The following RNF157 variants were observed in gnomAD, a reference collection of about 807,000 sequenced individuals.
The protein encoded by RNF157 is E3 ubiquitin ligase RNF157.
RNF157 carries 55 observed loss-of-function variants against 88.3 expected under a neutral mutation model. The ratio of observed to expected loss-of-function variants is 0.62; its 90% CI spans 0.50 to 0.78. RNF157 has a LOEUF of 0.78. RNF157 is among the 30% of genes least tolerant of loss of function. The pLI, the probability that RNF157 is intolerant of heterozygous loss-of-function variation, is 0.00. For missense variants in RNF157, 788 were observed against 860.8 expected, an observed-to-expected ratio of 0.92 and a Z score of 1.06; for synonymous variants, 334 against 341.2, an observed-to-expected ratio of 0.98 and a Z score of 0.23.
intron 1 of RNF157, among the ~76,000 whole-genome samples, chr17:76,235,985 G>T (rs2070277018): frequency 2.0e-5 from 3 of 152,188 alleles, no homozygotes; most frequent in African/African-American, 7.2e-5. Flanking sequence ...CTCCAGCCTG[G>T]ATGCCAGAGT....
chr17:76,220,385 TAAAA>T (rs34888046), intron 1 of RNF157, among the ~76,000 whole-genome samples: 30 of 128,712 alleles, frequency 2.3e-4, no homozygotes, highest in Admixed American at 6.3e-4. Context: ...TAATGATATC[TAAAA>T]AAAAAAAAAA....
intron 18 of RNF157, among the ~76,000 whole-genome samples, chr17:76,149,656 C>T (rs1306578899): frequency 6.6e-6 from 1 of 152,172 alleles, no homozygotes; most frequent in Non-Finnish European, 1.5e-5. Flanking sequence ...CCTAGAGAGA[C>T]GTGCTTTTCC....
intron 9 of RNF157, 31 bp downstream of exon 9, chr17:76,162,521 G>C: frequency 6.5e-7 from 1 of 1,544,086 alleles, no homozygotes; most frequent in South Asian, 1.1e-5. Flanking sequence ...CTCCTGGAAA[G>C]AGTACATTCA....
Position 76,157,408 on chromosome 17 carries a change from C to T in RNF157, c.1413+985G>A, listed in dbSNP as rs558824253. Among the ~76,000 whole-genome samples, 4 of 152,324 alleles carry T rather than the reference C, an allele frequency of 2.6e-5. No homozygotes were observed. The highest frequency in any genetic ancestry group is 4.1e-4 in the South Asian group (2 of 4,830). Reference sequence around the variant, plus strand: ...TGTGCCCCTGGCTTGCTCCGAGCCCCGACTTCCTGCTCTGTGCCTTTGCAT... The same window carrying T: ...TGTGCCCCTGGCTTGCTCCGAGCCCTGACTTCCTGCTCTGTGCCTTTGCAT... On this transcript the variant is annotated intron_variant, in intron 13 of 18. Coordinates refer to ENST00000269391, the MANE Select transcript of RNF157 (RefSeq NM_052916.3). This position sits in a 1 kb window ranked among gnomAD's most constrained non-coding sequence, Gnocchi z 5.6.
At chr17:76,226,779 C>A in intron 1 of RNF157, 1 of 1,569,722 alleles carries the variant, frequency 6.4e-7, no homozygotes, top group Non-Finnish European at 8.6e-7. Context: ...ACCAACACCT[C>A]GTTGCTCAGG....
At position 76,228,047 on chromosome 17, in the gene RNF157, T is replaced by C. The variant is rs189010790; in HGVS notation, c.88+12106A>G. On this transcript the variant is annotated intron_variant, in intron 1 of 18. Transcript: ENST00000269391. The stretch of plus-strand genomic sequence containing the variant: ...TACAGTTTATGTTGCTTCCTGTTTT[T>C]TACAAATGGAATTCATAGATGTAGA... 4.6e-5 allele frequency among the ~76,000 whole-genome samples: 7 copies of C among 152,324 alleles called. No individual in the cohort carries two copies. In the East Asian group the frequency reaches 1.3e-3, roughly 29 times the overall value.
chr17:76,211,386 C>T (rs1452001963), intron 2 of RNF157, among the ~76,000 whole-genome samples: 1 of 152,326 alleles, frequency 6.6e-6, no homozygotes, highest in Non-Finnish European at 1.5e-5. Context: ...ATTGTCTTCT[C>T]CCACTCTCAA....
Position 76,161,822 on chromosome 17 carries a change from C to G in RNF157, c.952+21G>C. On this transcript the variant is annotated intron_variant, in intron 10 of 18. Coordinates refer to ENST00000269391, the MANE Select transcript of RNF157 (RefSeq NM_052916.3). The surrounding 1 kb of genome is among the most constrained non-coding windows in gnomAD (Gnocchi z 4.6). Reference sequence around the variant, plus strand: ...TGTCCCCTCTCCCACCCACCAGTCCCCCTGCCGCTCTGGGGCTTACGCAGT... The same window carrying G: ...TGTCCCCTCTCCCACCCACCAGTCCGCCTGCCGCTCTGGGGCTTACGCAGT... The G allele has an allele frequency of 6.2e-7, 1 of 1,609,668 alleles. No homozygotes were observed. Among genetic ancestry groups the G allele is most frequent in the Non-Finnish European group, 8.5e-7 (1 of 1,176,698 alleles).
chr17:76,167,510 A>C, intron 4 of RNF157, 141 bp downstream of exon 4: 2 of 1,234,376 alleles, frequency 1.6e-6, no homozygotes, highest in Non-Finnish European at 2.3e-6. Flanking sequence ...TGCTGAGTGG[A>C]TAAGACATGG....
Position 76,212,388 on chromosome 17 carries a change from G to A in RNF157, c.183C>T (p.Asn61=), listed in dbSNP as rs142178120. 7.9e-5 allele frequency: 127 copies of A among 1,613,114 alleles called. No individual in the cohort carries two copies. In the African/African-American group the frequency reaches 1.5e-3, roughly 19 times the overall value. The stretch of plus-strand genomic sequence containing the variant: ...CCACAACTGGTCTGTTCCCCAGAAA[G>A]TTCAGATCGCTGTTCTCTCCAAACA... The part of the protein sequence containing the change: ...GYLFGENSDL[N]FLGNRPVVFP... The change falls in exon 2 of 19, where the codon AAC becomes AAT. Residue 61 remains asparagine (N), a synonymous_variant. Transcript: ENST00000269391.
At chr17:76,208,614 T>C (rs886439841) in intron 2 of RNF157, among the ~76,000 whole-genome samples, 1 of 152,220 alleles carries the variant, frequency 6.6e-6, no homozygotes, top group Non-Finnish European at 1.5e-5. Flanking sequence ...TTATTCTCTA[T>C]ACTACATTTT....
At chr17:76,215,642 ATT>A (rs1465575731) in intron 1 of RNF157, among the ~76,000 whole-genome samples, 1 of 152,170 alleles carries the variant, frequency 6.6e-6, no homozygotes, top group Non-Finnish European at 1.5e-5. Flanking sequence ...CCAAACATTC[ATT>A]TTTAAAACTT....
rs1248045876 is a variant in RNF157, at chr17:76,240,155, G to A, written c.86C>T (p.Ser29Phe). ...SNSVYRYPPK[S>F]GSYFASHFIM... ...CTGCGGCGCCCGCCCGCCCTCACCGGACTTGGGCGGGTAGCGGTACACGGA... is the reference window on the plus strand; with the variant it reads ...CTGCGGCGCCCGCCCGCCCTCACCGAACTTGGGCGGGTAGCGGTACACGGA... Residue 29 changes from serine (S) to phenylalanine (F), a missense_variant and splice_region_variant, in exon 1 of 19, where the codon TCC (serine) becomes TTC (phenylalanine). Transcript: ENST00000269391. This position sits in a 1 kb window ranked among gnomAD's most constrained non-coding sequence, Gnocchi z 4.4. 6.6e-6 allele frequency: 9 copies of A among 1,357,266 alleles called. No individual in the cohort carries two copies. The highest frequency in any genetic ancestry group is 1.5e-5 in the African/African-American group (1 of 66,994). The allele number at this position is 1,357,266 out of a possible 1,614,324, so 84.1% of individuals were successfully genotyped here. A position where few individuals can be genotyped will look rare whatever the true frequency, so the allele number is the denominator to read the frequency against.
chr17:76,210,540 A>G (rs961611149), intron 2 of RNF157, among the ~76,000 whole-genome samples: 1 of 126,974 alleles, frequency 7.9e-6, no homozygotes, highest in African/African-American at 3.0e-5. Context: ...CAGTGAGCCA[A>G]GATCGTGCCA....
At chr17:76,156,461 G>A (rs560339336) in intron 13 of RNF157, 140 bp from the exon 14 acceptor site, 52 of 1,457,198 alleles carry the variant, frequency 3.6e-5, no homozygotes, top group Middle Eastern at 2.1e-4. Context: ...TGCAGAGGCC[G>A]CAGCTTCTCT....
At chr17:76,225,608 ATGTC>A in intron 1 of RNF157, 1 of 644,290 alleles carries the variant, frequency 1.6e-6, no homozygotes, top group Non-Finnish European at 2.5e-6. Context: ...GTAGGCATCT[ATGTC>A]TGTATTTATG....
intron 4 of RNF157, 92 bp downstream of exon 4, chr17:76,167,559 C>T: frequency 1.3e-6 from 2 of 1,563,040 alleles, no homozygotes; most frequent in Non-Finnish European, 8.7e-7. Context: ...CGCCTGGTCT[C>T]CTGATCTTAC....
intron 1 of RNF157, among the ~76,000 whole-genome samples, chr17:76,221,089 C>T (rs1210925056): frequency 2.0e-5 from 3 of 152,066 alleles, no homozygotes; most frequent in Non-Finnish European, 4.4e-5. Flanking sequence ...CCACTGCACT[C>T]CAGCCTGGGC....
At chr17:76,192,576 T>C (rs2069405413) in intron 2 of RNF157, among the ~76,000 whole-genome samples, 1 of 152,166 alleles carries the variant, frequency 6.6e-6, no homozygotes. Context: ...TCTTTAGATT[T>C]TGAATATTTG....
Sources: gnomAD v4.1 joint callset for allele counts (sites outside exome capture counted in the v4.1 genomes callset) on GRCh38, gnomAD v4.1.1 for gene constraint, Gnocchi (gnomAD v3.1) non-coding constraint, MANE v1.5 for transcripts, NCBI Gene and HGNC (gene_info 2026-07-23, HGNC 2026-07-21) for gene names.